GALNT6: variants seen among roughly 807,000 people sequenced by gnomAD.
GALNT6 encodes polypeptide N-acetylgalactosaminyltransferase 6.
In GALNT6, 51 loss-of-function variants were observed where a neutral mutation model predicts 65.9. The ratio of observed to expected loss-of-function variants is 0.77; its 90% CI spans 0.62 to 0.98. The LOEUF is 0.98. Among genes scored for constraint, GALNT6 ranks in the 50% least tolerant of loss-of-function variants. The probability of loss-of-function intolerance (pLI) is 0.00; values close to 1 mark genes in which losing one functional copy is unlikely to be tolerated. For missense variants in GALNT6, 708 were observed against 803.3 expected (o/e 0.88, Z 1.43); for synonymous variants, 323 against 315.1 (o/e 1.02, Z -0.26).
intron 2 of GALNT6, among the ~76,000 whole-genome samples, chr12:51,380,947 C>A (rs545702720): frequency 6.6e-6 from 1 of 152,178 alleles, no homozygotes; most frequent in African/African-American, 2.4e-5. Flanking sequence ...AGACCCTATA[C>A]GTATTTTATA....
intron 5 of GALNT6, among the ~76,000 whole-genome samples, chr12:51,364,713 C>T (rs1947037865): frequency 6.6e-6 from 1 of 152,216 alleles, no homozygotes; most frequent in Non-Finnish European, 1.5e-5. Context: ...GGGTGTTCCC[C>T]CTCCCAGGGG....
At chr12:51,360,892 C>T in intron 6 of GALNT6, 54 bp from the exon 7 acceptor site, 3 of 1,260,512 alleles carry the variant, frequency 2.4e-6, no homozygotes, top group South Asian at 1.2e-5. Context: ...AGGAGCGGAG[C>T]CTGGCGGGGA....
In GALNT6 at chr12:51,364,270, G is replaced by C. The variant is rs768256768; in HGVS notation, c.900C>G (p.Thr300=). The C allele has an allele frequency of 1.9e-6, 3 of 1,614,190 alleles. No individual in the cohort carries two copies. The Admixed American group carries it at 5.0e-5, about 27-fold the overall frequency. ...KTVVVSPDIV[T]IDLNTFEFAK... ...CGAACTCAAAAGTATTAAGGTCGAT[G>C]GTGACGATGTCTGGGCTCACCACCA... The change falls in exon 6 of 12, where the codon ACC becomes ACG. Residue 300 remains threonine, a synonymous_variant. Coordinates refer to ENST00000356317, the MANE Select transcript of GALNT6 (RefSeq NM_007210.4).
intron 6 of GALNT6, among the ~76,000 whole-genome samples, chr12:51,362,447 A>G (rs955612884): frequency 6.6e-6 from 1 of 152,034 alleles, no homozygotes; most frequent in African/African-American, 2.4e-5. Context: ...GGGGCGCTAC[A>G]TGAAGAGCCT....
At chr12:51,383,453 A>G (rs919614285) in intron 2 of GALNT6, 6 of 152,240 alleles carry the variant, frequency 3.9e-5, no homozygotes, top group Admixed American at 2.6e-4. Context: ...CCAGTGCTCA[A>G]GACTCACCCC....
At chr12:51,383,862 G>A (rs780181342) in intron 2 of GALNT6, among the ~76,000 whole-genome samples, 3 of 152,170 alleles carry the variant, frequency 2.0e-5, no homozygotes, top group Non-Finnish European at 4.4e-5. Flanking sequence ...TGCTCCCTGT[G>A]TAGGAGATGA....
intron 3 of GALNT6, among the ~76,000 whole-genome samples, chr12:51,378,796 A>G (rs953260735): frequency 1.3e-5 from 2 of 152,182 alleles, no homozygotes; most frequent in African/African-American, 4.8e-5. Flanking sequence ...AAAGGTTGGA[A>G]TCAATTCCGG....
intron 2 of GALNT6, among the ~76,000 whole-genome samples, chr12:51,383,983 C>T (rs984389805): frequency 3.3e-5 from 5 of 152,134 alleles, no homozygotes; most frequent in Admixed American, 6.5e-5. Flanking sequence ...TCACGAGATC[C>T]GCCCCTGGTG....
intron 4 of GALNT6, among the ~76,000 whole-genome samples, chr12:51,373,901 C>T (rs537921441): frequency 6.6e-6 from 1 of 152,314 alleles, no homozygotes; most frequent in East Asian, 1.9e-4. Flanking sequence ...ACTCTATTGC[C>T]TAGGCTGGAG....
chr12:51,383,451 C>G lies in GALNT6; in HGVS notation c.-103-3567G>C, dbSNP rs543441589. The G allele has an allele frequency of 2.0e-5, 3 of 152,324 alleles. No homozygotes were observed. The South Asian group carries it at 6.2e-4, about 32-fold the overall frequency. The allele number at this position is 152,324 out of a possible 1,614,324, so 9.4% of individuals were successfully genotyped here. On this transcript the variant is annotated intron_variant, in intron 2 of 11. Coordinates refer to ENST00000356317, the MANE Select transcript of GALNT6 (RefSeq NM_007210.4). ...GTAGTTACTAACTGTTGCCAGTGCTCAAGACTCACCCCCTCCAGGAAGGCC... is the reference window on the plus strand; with the variant it reads ...GTAGTTACTAACTGTTGCCAGTGCTGAAGACTCACCCCCTCCAGGAAGGCC...
Position 51,351,684 on chromosome 12 carries a change from G to C in GALNT6, c.*2695C>G, listed in dbSNP as rs1408947414. The stretch of plus-strand genomic sequence containing the variant: ...TAGCGTGTGAGTTCCACGGGGACAG[G>C]ACCTCGTTTGACGTCTCACGTCTCC... On this transcript the variant is annotated 3_prime_UTR_variant, in exon 12 of 12. Coordinates refer to ENST00000356317, the MANE Select transcript of GALNT6 (RefSeq NM_007210.4). 1 of 152,204 alleles carries C rather than the reference G, an allele frequency of 6.6e-6. No homozygotes were observed. The highest frequency in any genetic ancestry group is 1.5e-5 in the Non-Finnish European group (1 of 68,034). The allele number at this position is 152,204 out of a possible 1,614,324, so 9.4% of individuals were successfully genotyped here.
intron 2 of GALNT6, among the ~76,000 whole-genome samples, chr12:51,390,350 G>A (rs1236021143): frequency 6.6e-6 from 1 of 151,938 alleles, no homozygotes; most frequent in African/African-American, 2.4e-5. Context: ...TTTTTGTGGA[G>A]ATGGGGTTTT....
chr12:51,359,039 G>C (rs940795401), intron 8 of GALNT6, 93 bp downstream of exon 8: 2 of 970,534 alleles, frequency 2.1e-6, no homozygotes, highest in Middle Eastern at 2.2e-4. Context: ...AGATGGTAGA[G>C]ATGAGGTGGG....
At chr12:51,372,240 C>T (rs984630534) in intron 4 of GALNT6, among the ~76,000 whole-genome samples, 6 of 152,136 alleles carry the variant, frequency 3.9e-5, no homozygotes, top group African/African-American at 1.4e-4. Flanking sequence ...CACAGGGTGT[C>T]GCTCTGTCAC....
chr12:51,357,592 C>T, intron 9 of GALNT6, 142 bp from the exon 10 acceptor site: 1 of 652,086 alleles, frequency 1.5e-6, no homozygotes, highest in East Asian at 2.8e-5. Context: ...TTTCTCTCCT[C>T]TGTGCGTTAA....
rs1419856610 is a variant in GALNT6, at chr12:51,354,452, G to A, written c.1796C>T (p.Thr599Ile). The stretch of plus-strand genomic sequence containing the variant: ...CATGGCTGGCTTTTTGTCCTGGGAT[G>A]TCAGGCAGGTACCAGATCCTGAGTT... ...IRNSGSGTCLTSQDKKPAMAP... is the reference protein window; with the variant it reads ...IRNSGSGTCLISQDKKPAMAP... The change falls in exon 12 of 12, where the codon ACA becomes ATA. Residue 599 changes from threonine (T) to isoleucine (I), a missense_variant. Coordinates refer to ENST00000356317, the MANE Select transcript of GALNT6 (RefSeq NM_007210.4). 3.8e-6 allele frequency: 6 copies of A among 1,595,314 alleles called. No homozygotes were observed. The highest frequency in any genetic ancestry group is 3.3e-4 in the Middle Eastern group (2 of 6,014).
intron 2 of GALNT6, among the ~76,000 whole-genome samples, chr12:51,382,875 T>C (rs905457189): frequency 6.6e-6 from 1 of 152,118 alleles, no homozygotes; most frequent in Non-Finnish European, 1.5e-5. Flanking sequence ...TTACCCCGTC[T>C]GGTACACAGA....
chr12:51,391,554 G>A (rs1948108104), upstream of GALNT6: 1 of 152,714 alleles, frequency 6.5e-6, no homozygotes. Flanking sequence ...GGGGAGCTCA[G>A]GGGGGCCCTC....
In GALNT6 at chr12:51,369,911, T is replaced by G. The variant is rs991196948; in HGVS notation, c.665-4332A>C. On this transcript the variant is annotated intron_variant, in intron 4 of 11. Transcript: ENST00000356317. ...AATCTATTCTTGACACGGCAGCTAC[T>G]GTGAGAAGTAAAATTCTCTCTAAAA... Among the ~76,000 whole-genome samples, 9 of 152,232 alleles carry G rather than the reference T, an allele frequency of 5.9e-5. 1 individual carries two copies. The highest frequency in any genetic ancestry group is 5.2e-4 in the Admixed American group (8 of 15,282).
Sources: gnomAD v4.1 joint callset for allele counts (sites outside exome capture counted in the v4.1 genomes callset) on GRCh38, gnomAD v4.1.1 for gene constraint, MANE v1.5 for transcripts, NCBI Gene and HGNC (gene_info 2026-07-23, HGNC 2026-07-21) for gene names.